LY9: variants seen among roughly 807,000 people sequenced by gnomAD.
The protein encoded by LY9 is T-lymphocyte surface antigen Ly-9.
A neutral mutation model predicts 64.6 loss-of-function variants in LY9; 59 were observed. The observed-to-expected ratio is 0.91, with a 90% CI of 0.74 to 1.13. LY9 has a LOEUF of 1.13. Ranked by LOEUF, LY9 falls within the 50% of genes most tolerant of loss-of-function variation. The probability of loss-of-function intolerance (pLI) is 0.00; values close to 1 mark genes in which losing one functional copy is unlikely to be tolerated. For synonymous variants in LY9, 281 were observed against 308.5 expected (o/e 0.91, Z 0.93); for missense variants, 789 against 797.2 (o/e 0.99, Z 0.12).
In LY9 at chr1:160,823,390, G is replaced by A; in HGVS notation, c.1499-75G>A. 2.6e-6 allele frequency: 3 copies of A among 1,156,454 alleles called. No individual in the cohort carries two copies. The South Asian group carries it at 4.4e-5, about 17-fold the overall frequency. 71.6% of individuals were successfully genotyped at this position (1,156,454 alleles called of 1,614,324 possible). On this transcript the variant is annotated intron_variant, in intron 7 of 9. Coordinates refer to ENST00000263285, the MANE Select transcript of LY9 (RefSeq NM_002348.4). ...TCATCTAATGCAGGCATCAGAGCAG[G>A]CTGGGGCCTTGCAGCAAAGCAAGAA... is the stretch of plus-strand genomic sequence containing the variant.
At chr1:160,816,182 A>T (rs1389795982) in intron 4 of LY9, among the ~76,000 whole-genome samples, 3 of 152,226 alleles carry the variant, frequency 2.0e-5, no homozygotes, top group Non-Finnish European at 2.9e-5. Flanking sequence ...TGTCAGGTAC[A>T]GCGCTCACCT....
intron 2 of LY9, chr1:160,801,729 A>G (rs908833410): frequency 7.1e-5 from 93 of 1,306,970 alleles, no homozygotes; most frequent in Non-Finnish European, 9.8e-5. Context: ...GAGGTTTTTT[A>G]TATGATGAGA....
At chr1:160,824,039 C>T in intron 8 of LY9, 142 bp from the exon 9 acceptor site, 1 of 991,910 alleles carries the variant, frequency 1.0e-6, no homozygotes, top group East Asian at 2.4e-5. Flanking sequence ...ACCAGAGGCA[C>T]CGTCCCCACT....
At chr1:160,797,487 G>A (rs571530976) in intron 1 of LY9, among the ~76,000 whole-genome samples, 1 of 152,306 alleles carries the variant, frequency 6.6e-6, no homozygotes, top group East Asian at 1.9e-4. Context: ...AACCTTTGGG[G>A]TGTTCCTTGA....
Position 160,814,365 on chromosome 1 carries a change from G to T in LY9, c.731-55G>T. ...CTCAGTCCCCTTTAGGATGCCTGGG[G>T]GCCAAGGGAGTAGGGACAGTGACTG... On this transcript the variant is annotated intron_variant, in intron 3 of 9. Coordinates refer to ENST00000263285, the MANE Select transcript of LY9 (RefSeq NM_002348.4). 2.2e-6 allele frequency: 3 copies of T among 1,380,402 alleles called. No homozygotes were observed. The African/African-American group carries it at 4.3e-5, about 20-fold the overall frequency. The allele number at this position is 1,380,402 out of a possible 1,614,324, so 85.5% of individuals were successfully genotyped here. A position where few individuals can be genotyped will look rare whatever the true frequency, so the allele number is the denominator to read the frequency against.
chr1:160,799,734 C>G lies in LY9; in HGVS notation c.125-19C>G. 3 of 1,550,692 alleles carry G rather than the reference C, an allele frequency of 1.9e-6. No individual in the cohort carries two copies. The highest frequency in any genetic ancestry group is 2.7e-6 in the Non-Finnish European group (3 of 1,131,954). ...AAGGAGTCTAGCTGCTCCTCCAAGTCCCTCTTCTATCTCTGCAGGACTAAG... is the reference window on the plus strand; with the variant it reads ...AAGGAGTCTAGCTGCTCCTCCAAGTGCCTCTTCTATCTCTGCAGGACTAAG... On this transcript the variant is annotated intron_variant, in intron 1 of 9. Transcript: ENST00000263285.
At position 160,813,810 on chromosome 1, in the gene LY9, C is replaced by T; in HGVS notation, c.629C>T (p.Ser210Phe). ...ESNGGSILTV[S>F]RTPCDPDLPY... ...AATGGAGGCTCCATTCTTACCGTCT[C>T]CCGAACACCATGTGACCCAGACCTG... is the stretch of plus-strand genomic sequence containing the variant. Residue 210 changes from serine (S) to phenylalanine (F), a missense_variant, in exon 3 of 10, where the codon TCC becomes TTC. Physicochemically the swap from Ser to Phe is radical, Grantham distance 155. Coordinates refer to ENST00000263285, the MANE Select transcript of LY9 (RefSeq NM_002348.4). The T allele has an allele frequency of 6.2e-7, 1 of 1,614,212 alleles. No individual in the cohort carries two copies. The highest frequency in any genetic ancestry group is 8.5e-7 in the Non-Finnish European group (1 of 1,180,036).
At position 160,824,205 on chromosome 1, in the gene LY9, G is replaced by C; in HGVS notation, c.1855G>C (p.Glu619Gln). ...LQGKTPVSQKEESSATIYCSI... is the reference protein window; with the variant it reads ...LQGKTPVSQKQESSATIYCSI... Reference sequence around the variant, plus strand: ...GGGAAAGACCCCAGTTTCTCAGAAGGAAGAGAGCTCAGCCACAATCTACTG... The same window carrying C: ...GGGAAAGACCCCAGTTTCTCAGAAGCAAGAGAGCTCAGCCACAATCTACTG... Residue 619 changes from glutamate (E) to glutamine (Q), a missense_variant, in exon 9 of 10, where the codon GAA becomes CAA. Glu to Gln is a conservative substitution (Grantham distance 29). Transcript: ENST00000263285. 6.2e-7 allele frequency: 1 copy of C among 1,614,182 alleles called. No homozygotes were observed. Among genetic ancestry groups the C allele is most frequent in the Non-Finnish European group, 8.5e-7 (1 of 1,180,032 alleles).
rs1016323846 is a variant in LY9, at chr1:160,816,695, G to C, written c.1174G>C (p.Val392Leu). The stretch of plus-strand genomic sequence containing the variant: ...CTCCGTGGAGGACGGGGGAAACACT[G>C]TCATGTACACATGGACCCCGCTGCA... The part of the protein sequence containing the change: ...TCSVEDGGNT[V>L]MYTWTPLQKE... Residue 392 changes from valine (V) to leucine (L), a missense_variant, in exon 5 of 10, where the codon GTC (valine) becomes CTC (leucine). Transcript: ENST00000263285. 2 of 1,614,104 alleles carry C rather than the reference G, an allele frequency of 1.2e-6. No homozygotes were observed. The highest frequency in any genetic ancestry group is 1.7e-6 in the Non-Finnish European group (2 of 1,180,052).
chr1:160,805,069 T>C (rs1458827875), intron 2 of LY9, among the ~76,000 whole-genome samples: 1 of 152,148 alleles, frequency 6.6e-6, no homozygotes, highest in Non-Finnish European at 1.5e-5. Flanking sequence ...TTTCATTGAT[T>C]CTTTGCATTT....
chr1:160,812,402 T>C (rs1667547093), intron 2 of LY9: 1 of 151,032 alleles, frequency 6.6e-6, no homozygotes, highest in African/African-American at 2.4e-5. Flanking sequence ...AGAGACACAG[T>C]TTAGCTCATA....
In LY9 at chr1:160,802,066, C is replaced by G. The variant is rs899714823; in HGVS notation, c.454+1984C>G. On this transcript the variant is annotated intron_variant, in intron 2 of 9. Coordinates refer to ENST00000263285, the MANE Select transcript of LY9 (RefSeq NM_002348.4). ...GCTAGACGTGGGCGTTAGGCGTGTC[C>G]CACCCACCCGCCGCCTCCCATGGCA... The G allele has an allele frequency of 1.1e-5, 15 of 1,395,700 alleles. No homozygotes were observed. In the Admixed American group the frequency reaches 3.5e-4, roughly 32 times the overall value. The allele number at this position is 1,395,700 out of a possible 1,614,324, so 86.5% of individuals were successfully genotyped here. A position where few individuals can be genotyped will look rare whatever the true frequency, so the allele number is the denominator to read the frequency against.
At chr1:160,806,590 G>A (rs1320830839) in intron 2 of LY9, among the ~76,000 whole-genome samples, 1 of 152,190 alleles carries the variant, frequency 6.6e-6, no homozygotes, top group Non-Finnish European at 1.5e-5. Flanking sequence ...TTCTGCTGAG[G>A]AATCCACCAT....
intron 2 of LY9, chr1:160,801,686 G>A (rs964163737): frequency 3.6e-6 from 3 of 835,452 alleles, no homozygotes; most frequent in Non-Finnish European, 5.9e-6. Context: ...ATAGTTTCAG[G>A]TCTTACATTC....
Position 160,827,842 on chromosome 1 carries a change from C to T in LY9, c.*26C>T, listed in dbSNP as rs763918810. ...AAGGAAAAGCAGCTGCTGCCTCTCT[C>T]CTGGGACCGTGGGGTTGGAAAGTCA... On this transcript the variant is annotated 3_prime_UTR_variant, in exon 10 of 10. Coordinates refer to ENST00000263285, the MANE Select transcript of LY9 (RefSeq NM_002348.4). The T allele has an allele frequency of 8.1e-6, 13 of 1,596,536 alleles. No individual in the cohort carries two copies. Among genetic ancestry groups the T allele is most frequent in the South Asian group, 7.8e-5 (7 of 89,238 alleles).
At chr1:160,805,919 C>CTTTTTTTTTT (rs60244350) in intron 2 of LY9, among the ~76,000 whole-genome samples, 217 of 71,900 alleles carry the variant, frequency 3.0e-3, no homozygotes, top group Non-Finnish European at 4.0e-3. Flanking sequence ...CATTCTTTGT[C>CTTTTTTTTTT]TTTTTTTTTT....
intron 1 of LY9, 80 bp downstream of exon 1, chr1:160,796,391 TTTTTTTG>T (rs1665862367): frequency 1.3e-6 from 2 of 1,499,210 alleles, no homozygotes; most frequent in Non-Finnish European, 1.8e-6. Context: ...GGGAGATTCT[TTTTTTTG>T]TTTTTTGTTT....
chr1:160,819,391 C>T lies in LY9; in HGVS notation c.1498+17C>T. On this transcript the variant is annotated intron_variant, in intron 7 of 9. Transcript: ENST00000263285. ...ATACACCAGGTAACATCACCCATGA[C>T]ACAGGCTATGGGGTATCTGGTCCAA... is the stretch of plus-strand genomic sequence containing the variant. 6.2e-7 allele frequency: 1 copy of T among 1,608,830 alleles called. No individual in the cohort carries two copies. Among genetic ancestry groups the T allele is most frequent in the Non-Finnish European group, 8.5e-7 (1 of 1,175,336 alleles).
At chr1:160,799,568 A>G (rs911267154) in intron 1 of LY9, 185 bp from the exon 2 acceptor site, 11 of 556,110 alleles carry the variant, frequency 2.0e-5, no homozygotes, top group African/African-American at 1.9e-4. Context: ...TAAGGGAGAC[A>G]GTGTTTGGGG....
Sources: allele counts gnomAD v4.1 joint callset (sites outside exome capture counted in the v4.1 genomes callset), GRCh38; gene constraint gnomAD v4.1.1; transcripts MANE v1.5; gene names NCBI Gene and HGNC (gene_info 2026-07-23, HGNC 2026-07-21).